BOLL: variants seen among roughly 807,000 people sequenced by gnomAD.
BOLL encodes boule RNA binding protein.
In BOLL, 23 loss-of-function variants were observed where a neutral mutation model predicts 44.4. The observed-to-expected ratio is 0.52, with a 90% confidence interval of 0.37 to 0.73. The LOEUF is 0.73. Among genes scored for constraint, BOLL ranks in the 30% least tolerant of loss-of-function variants. The pLI is 0.00. For synonymous variants in BOLL, 97 were observed against 110.8 expected (o/e 0.88, Z 0.78); for missense variants, 287 against 338.3 (o/e 0.85, Z 1.19).
chr2:197,732,661 C>G (rs1303492690), intron 10 of BOLL, among the ~76,000 whole-genome samples: 1 of 150,198 alleles, frequency 6.7e-6, no homozygotes, highest in Non-Finnish European at 1.5e-5. Context: ...TCAATATACG[C>G]AAATCAATAA....
intron 8 of BOLL, among the ~76,000 whole-genome samples, chr2:197,756,868 A>G (rs191736228): frequency 6.6e-6 from 1 of 152,270 alleles, no homozygotes; most frequent in Non-Finnish European, 1.5e-5. Context: ...AATGTGATCT[A>G]TGGTATTTAA....
At chr2:197,739,336 A>C (rs1028619066) in intron 10 of BOLL, among the ~76,000 whole-genome samples, 4 of 152,092 alleles carry the variant, frequency 2.6e-5, no homozygotes, top group Admixed American at 1.3e-4. Flanking sequence ...ATCATAGCTC[A>C]CTGTAACCTT....
At chr2:197,774,119 G>A (rs1574861585) in intron 5 of BOLL, 6 of 380,916 alleles carry the variant, frequency 1.6e-5, no homozygotes, top group South Asian at 1.0e-4. Context: ...GTTGGATAAG[G>A]GATGGATGGT....
chr2:197,738,041 A>T (rs1687575391), intron 10 of BOLL, among the ~76,000 whole-genome samples: 1 of 152,146 alleles, frequency 6.6e-6, no homozygotes, highest in Non-Finnish European at 1.5e-5. Flanking sequence ...GCAAAAATGT[A>T]AAAACACTGT....
Position 197,781,822 on chromosome 2 carries a change from G to C in BOLL, c.29C>G (p.Pro10Arg). 6.2e-7 allele frequency: 1 copy of C among 1,605,768 alleles called. No homozygotes were observed. Among genetic ancestry groups the C allele is most frequent in the Non-Finnish European group, 8.5e-7 (1 of 1,174,300 alleles). MQTDSLSPS[P>R]NPVSPVPLNN... Reference sequence around the variant, plus strand: ...CAAAGGCACAGGTGACACAGGATTAGGGGATGGAGATAATGAATCTGTTTG... The same window carrying C: ...CAAAGGCACAGGTGACACAGGATTACGGGATGGAGATAATGAATCTGTTTG... Residue 10 changes from proline (P) to arginine (R), a missense_variant, in exon 2 of 11, where the codon CCT becomes CGT. Coordinates refer to ENST00000392296, the MANE Select transcript of BOLL (RefSeq NM_033030.6).
chr2:197,750,256 AG>A (rs1688174389), intron 9 of BOLL, among the ~76,000 whole-genome samples: 2 of 152,248 alleles, frequency 1.3e-5, no homozygotes, highest in Non-Finnish European at 2.9e-5. Context: ...GAAAATAACC[AG>A]TTAACATCAC....
At chr2:197,779,171 GA>G in intron 2 of BOLL, 105 bp from the exon 3 acceptor site, 1 of 757,846 alleles carries the variant, frequency 1.3e-6, no homozygotes. Flanking sequence ...TAAGATGCAT[GA>G]AAAATGCCTC....
chr2:197,755,751 G>T (rs780450027), intron 9 of BOLL, among the ~76,000 whole-genome samples: 1 of 152,210 alleles, frequency 6.6e-6, no homozygotes, highest in African/African-American at 2.4e-5. Context: ...TCGGGGCTGG[G>T]AAGGGAGAGC....
intron 10 of BOLL, among the ~76,000 whole-genome samples, chr2:197,732,499 C>T (rs1328395214): frequency 6.6e-6 from 1 of 151,850 alleles, no homozygotes; most frequent in African/African-American, 2.4e-5. Flanking sequence ...CAGGAAGAGA[C>T]ACAACAAAAA....
chr2:197,766,560 A>G lies in BOLL; in HGVS notation c.524T>C (p.Ile175Thr), dbSNP rs1689007789. ...GTAGTGATATGCAGGTTGCTGATAAATGGGCTGAGCTACCATCACAGGGGA... is the reference window on the plus strand; with the variant it reads ...GTAGTGATATGCAGGTTGCTGATAAGTGGGCTGAGCTACCATCACAGGGGA... The part of the protein sequence containing the change: ...CSSPVMVAQP[I>T]YQQPAYHYQA... Residue 175 changes from isoleucine (I) to threonine (T), a missense_variant, in exon 7 of 11, where the codon ATT (isoleucine) becomes ACT (threonine). Transcript: ENST00000392296. 6.2e-7 allele frequency: 1 copy of G among 1,612,608 alleles called. No homozygotes were observed. Among genetic ancestry groups the G allele is most frequent in the Middle Eastern group, 1.7e-4 (1 of 6,056 alleles).
intron 8 of BOLL, 139 bp from the exon 9 acceptor site, chr2:197,756,695 A>C: frequency 6.9e-5 from 47 of 679,998 alleles, no homozygotes; most frequent in Non-Finnish European, 9.4e-5. Flanking sequence ...GAAGTATCTC[A>C]GCAACGGATT....
chr2:197,728,324 TAAAA>T lies in BOLL; in HGVS notation c.*227_*230del. The T allele has an allele frequency of 1.6e-6, 1 of 616,922 alleles. No individual in the cohort carries two copies. Among genetic ancestry groups the T allele is most frequent in the South Asian group, 2.2e-5 (1 of 45,360 alleles). The allele number at this position is 616,922 out of a possible 1,614,324, so 38.2% of individuals were successfully genotyped here. A position where few individuals can be genotyped will look rare whatever the true frequency, so the allele number is the denominator to read the frequency against. On this transcript the variant is annotated 3_prime_UTR_variant, in exon 11 of 11. Coordinates refer to ENST00000392296, the MANE Select transcript of BOLL (RefSeq NM_033030.6). Reference sequence around the variant, plus strand: ...AGGTCATTACAGTTAGGTTAGCACATAAAAAACCAACATGCCACATCTACCTAAA... The same window carrying T: ...AGGTCATTACAGTTAGGTTAGCACATAACCAACATGCCACATCTACCTAAA...
intron 9 of BOLL, among the ~76,000 whole-genome samples, chr2:197,754,475 C>T (rs1222351789): frequency 6.6e-6 from 1 of 151,998 alleles, no homozygotes; most frequent in South Asian, 2.1e-4. Flanking sequence ...TTTGGGAGGC[C>T]GAGGCAGGTG....
At chr2:197,750,506 G>A (rs567504502) in intron 9 of BOLL, among the ~76,000 whole-genome samples, 2 of 152,278 alleles carry the variant, frequency 1.3e-5, no homozygotes, top group South Asian at 4.1e-4. Context: ...CCTAGTCTCT[G>A]ATAAAACAGA....
chr2:197,727,122 AG>A lies in BOLL; in HGVS notation c.*1432del, dbSNP rs1686883111. ...AAACTGAGAATAATTAATGTATTTG[AG>A]ATCCTTGTATGCTAGTATACATTCA... On this transcript the variant is annotated 3_prime_UTR_variant, in exon 11 of 11. Transcript: ENST00000392296. The A allele has an allele frequency of 1.3e-5, 2 of 152,384 alleles. No homozygotes were observed. The highest frequency in any genetic ancestry group is 4.8e-5 in the African/African-American group (2 of 41,452). The allele number at this position is 152,384 out of a possible 1,614,324, so 9.4% of individuals were successfully genotyped here. A position where few individuals can be genotyped will look rare whatever the true frequency, so the allele number is the denominator to read the frequency against.
Position 197,731,360 on chromosome 2 carries a change from TAATGG to T in BOLL, c.829-2787_829-2783del, listed in dbSNP as rs1687167665. 3.4e-5 allele frequency among the ~76,000 whole-genome samples: 5 copies of T among 146,082 alleles called. No homozygotes were observed. In the South Asian group the frequency reaches 1.1e-3, roughly 33 times the overall value. ...AGAGACTTAGACTCCCACACATTAA[TAATGG>T]GAGACTTTAACACCCCACTGTCAAC... On this transcript the variant is annotated intron_variant, in intron 10 of 10. Coordinates refer to ENST00000392296, the MANE Select transcript of BOLL (RefSeq NM_033030.6).
At chr2:197,729,641 G>T (rs958226158) in intron 10 of BOLL, among the ~76,000 whole-genome samples, 3 of 152,216 alleles carry the variant, frequency 2.0e-5, no homozygotes, top group African/African-American at 7.2e-5. Context: ...GCCTCCTCAA[G>T]TGGGTCCCTG....
intron 9 of BOLL, among the ~76,000 whole-genome samples, chr2:197,747,501 T>G (rs1054681941): frequency 7.0e-6 from 1 of 143,390 alleles, no homozygotes; most frequent in Admixed American, 7.5e-5. Context: ...GAGAATCACT[T>G]GAACCCAGGA....
Position 197,728,027 on chromosome 2 carries a change from A to G in BOLL, c.*528T>C, listed in dbSNP as rs900316924. The stretch of plus-strand genomic sequence containing the variant: ...CAGTAATAAATGAATTAAAAATTAG[A>G]CAAAAGCATATTAAATGACAAAACA... On this transcript the variant is annotated 3_prime_UTR_variant, in exon 11 of 11. Transcript: ENST00000392296. The G allele has an allele frequency of 1.3e-5, 2 of 153,226 alleles. No individual in the cohort carries two copies. Among genetic ancestry groups the G allele is most frequent in the Non-Finnish European group, 2.9e-5 (2 of 68,712 alleles). The allele number at this position is 153,226 out of a possible 1,614,324, so 9.5% of individuals were successfully genotyped here. A position where few individuals can be genotyped will look rare whatever the true frequency, so the allele number is the denominator to read the frequency against.
Sources: allele counts gnomAD v4.1 joint callset (sites outside exome capture counted in the v4.1 genomes callset), GRCh38; gene constraint gnomAD v4.1.1; transcripts MANE v1.5; gene names NCBI Gene and HGNC (gene_info 2026-07-23, HGNC 2026-07-21).